Variants in EPHA6 observed in about 807,000 individuals in gnomAD.
EPHA6 encodes EPH receptor A6.
EPHA6 carries 50 observed loss-of-function variants against 112.0 expected under a neutral mutation model. The ratio of observed to expected loss-of-function variants is 0.45; its 90% CI spans 0.36 to 0.56. The LOEUF (loss-of-function observed/expected upper bound fraction) is 0.56. Ranked by LOEUF, EPHA6 falls within the 20% of genes least tolerant of loss-of-function variation. The pLI is 0.00. For missense variants in EPHA6, 1,280 were observed against 1,417.4 expected, an observed-to-expected ratio of 0.90 and a Z score of 1.56; for synonymous variants, 529 against 490.7, an observed-to-expected ratio of 1.08 and a Z score of -1.03.
intron 1 of EPHA6, among the ~76,000 whole-genome samples, chr3:96,851,416 AT>A (rs1394381080): frequency 6.6e-6 from 1 of 152,116 alleles, no homozygotes; most frequent in Non-Finnish European, 1.5e-5. Flanking sequence ...AGTTAGTATA[AT>A]TTTTTACGCC....
At chr3:97,545,143 T>C (rs2092926635) in intron 11 of EPHA6, among the ~76,000 whole-genome samples, 1 of 152,194 alleles carries the variant, frequency 6.6e-6, no homozygotes, top group Non-Finnish European at 1.5e-5. Flanking sequence ...TCTAGTTCTT[T>C]TAATTGTGAT....
At chr3:97,699,994 C>T (rs2033281107) in intron 14 of EPHA6, among the ~76,000 whole-genome samples, 1 of 152,142 alleles carries the variant, frequency 6.6e-6, no homozygotes, top group South Asian at 2.1e-4. Flanking sequence ...TTTGGAAGTA[C>T]AAAACCAGGG....
At chr3:97,491,426 G>A (rs9876459) in intron 10 of EPHA6, among the ~76,000 whole-genome samples, 10,370 of 152,150 alleles carry the variant, frequency 0.068, 1,105 homozygotes, top group African/African-American at 0.23. Flanking sequence ...TGGATAGTGG[G>A]GAGCAGGCCA....
At chr3:96,890,732 G>T (rs2037906737) in intron 2 of EPHA6, among the ~76,000 whole-genome samples, 1 of 152,194 alleles carries the variant, frequency 6.6e-6, no homozygotes, top group Admixed American at 6.5e-5. Flanking sequence ...CCACTAGTGA[G>T]TGTGAAAATT....
At chr3:97,703,820 G>A (rs2033530198) in intron 14 of EPHA6, among the ~76,000 whole-genome samples, 1 of 152,006 alleles carries the variant, frequency 6.6e-6, no homozygotes, top group Admixed American at 6.6e-5. Context: ...TTTGTTTTCA[G>A]GGGGAAAAAA....
At chr3:97,104,850 T>G (rs1559731149) in intron 3 of EPHA6, among the ~76,000 whole-genome samples, 1 of 152,106 alleles carries the variant, frequency 6.6e-6, no homozygotes, top group Non-Finnish European at 1.5e-5. Flanking sequence ...GGGAATCAGT[T>G]GCTTCCTGCT....
intron 1 of EPHA6, among the ~76,000 whole-genome samples, chr3:96,838,860 A>G (rs771961318): frequency 6.6e-6 from 1 of 151,974 alleles, no homozygotes; most frequent in East Asian, 1.9e-4. Flanking sequence ...AATGTTTACT[A>G]TATTTTATAT....
At chr3:97,292,433 A>G (rs2080720473) in intron 5 of EPHA6, among the ~76,000 whole-genome samples, 1 of 152,260 alleles carries the variant, frequency 6.6e-6, no homozygotes, top group Non-Finnish European at 1.5e-5. Context: ...GTATGTGGAC[A>G]AGTGGAGGGT....
intron 7 of EPHA6, among the ~76,000 whole-genome samples, chr3:97,457,674 T>A (rs1219017605): frequency 6.6e-6 from 1 of 152,188 alleles, no homozygotes; most frequent in Non-Finnish European, 1.5e-5. Context: ...GCAAAACAGC[T>A]GTTTGTGCTT....
At chr3:97,470,381 A>G (rs2107440171) in intron 7 of EPHA6, among the ~76,000 whole-genome samples, 1 of 151,886 alleles carries the variant, frequency 6.6e-6, no homozygotes, top group African/African-American at 2.4e-5. Context: ...TTATTTAAAA[A>G]TTCATATTAA....
chr3:97,034,016 A>G (rs767637943), intron 3 of EPHA6, among the ~76,000 whole-genome samples: 4 of 151,862 alleles, frequency 2.6e-5, no homozygotes, highest in African/African-American at 4.8e-5. Flanking sequence ...TGTTTAATTT[A>G]TTTTTTAAAC....
At chr3:97,570,457 C>T (rs935410570) in intron 11 of EPHA6, among the ~76,000 whole-genome samples, 31 of 152,176 alleles carry the variant, frequency 2.0e-4, no homozygotes, top group African/African-American at 6.7e-4. Context: ...TGGGGCTGGG[C>T]GCGGTGGCTC....
intron 3 of EPHA6, among the ~76,000 whole-genome samples, chr3:97,194,291 AT>A (rs1256119997): frequency 2.6e-5 from 4 of 151,790 alleles, no homozygotes; most frequent in African/African-American, 9.7e-5. Context: ...TTTTCAAGAA[AT>A]TTTACAATTT....
At chr3:97,477,157 A>G (rs944448092) in intron 8 of EPHA6, among the ~76,000 whole-genome samples, 1 of 152,088 alleles carries the variant, frequency 6.6e-6, no homozygotes, top group Non-Finnish European at 1.5e-5. Flanking sequence ...CTCATCTTTT[A>G]TAGAGGACAG....
At chr3:97,066,926 G>C (rs991379732) in intron 3 of EPHA6, among the ~76,000 whole-genome samples, 6 of 151,990 alleles carry the variant, frequency 3.9e-5, no homozygotes, top group African/African-American at 1.4e-4. Flanking sequence ...GATCTAACAG[G>C]GGAGACAGAA....
chr3:97,652,640 G>A (rs1180989221), intron 14 of EPHA6, among the ~76,000 whole-genome samples: 1 of 151,882 alleles, frequency 6.6e-6, no homozygotes, highest in African/African-American at 2.4e-5. Context: ...TTTGAATATG[G>A]TTTTGGGAGG....
intron 5 of EPHA6, among the ~76,000 whole-genome samples, chr3:97,272,945 G>C (rs1287384036): frequency 6.6e-6 from 1 of 152,116 alleles, no homozygotes; most frequent in Non-Finnish European, 1.5e-5. Context: ...GGGTGGTATG[G>C]AGAGATAATG....
At chr3:97,430,134 T>A (rs1394251973) in intron 6 of EPHA6, among the ~76,000 whole-genome samples, 2 of 152,202 alleles carry the variant, frequency 1.3e-5, no homozygotes, top group African/African-American at 4.8e-5. Context: ...AACATTCATA[T>A]TCAAACTGAT....
chr3:97,560,396 G>A (rs1467846091), intron 11 of EPHA6: 1 of 151,946 alleles, frequency 6.6e-6, no homozygotes, highest in Non-Finnish European at 1.5e-5. Context: ...TAGCTACTAG[G>A]TACATGTGCT....
Sources: gnomAD v4.1 joint callset for allele counts (sites outside exome capture counted in the v4.1 genomes callset) on GRCh38, gnomAD v4.1.1 for gene constraint, MANE v1.5 for transcripts, NCBI Gene and HGNC (gene_info 2026-07-23, HGNC 2026-07-21) for gene names.